Variants in METAP1D observed in about 807,000 individuals in gnomAD.
METAP1D encodes the protein methionyl aminopeptidase type 1D, mitochondrial.
METAP1D carries 31 observed loss-of-function variants against 40.5 expected under a neutral mutation model. That is an observed-to-expected ratio of 0.77 (90% CI 0.58 to 1.03). The LOEUF (loss-of-function observed/expected upper bound fraction) is 1.03. METAP1D is among the 50% of genes least tolerant of loss of function. The pLI, the probability that METAP1D is intolerant of heterozygous loss-of-function variation, is 0.00. For synonymous variants in METAP1D, 151 were observed against 146.4 expected (o/e 1.03, Z -0.22); for missense variants, 411 against 420.7 (o/e 0.98, Z 0.20).
intron 1 of METAP1D, among the ~76,000 whole-genome samples, chr2:172,006,828 GT>G (rs1395440370): frequency 3.3e-5 from 5 of 152,106 alleles, no homozygotes; most frequent in Non-Finnish European, 5.9e-5. Flanking sequence ...CTCCCCACAG[GT>G]GGATTATTTT....
chr2:172,038,461 G>A (rs979046482), intron 1 of METAP1D, among the ~76,000 whole-genome samples: 1 of 151,870 alleles, frequency 6.6e-6, no homozygotes, highest in Non-Finnish European at 1.5e-5. Context: ...ATTTTTTGAC[G>A]GTAAAGAGAA....
intron 5 of METAP1D, among the ~76,000 whole-genome samples, chr2:172,069,610 T>C (rs1479197443): frequency 6.6e-6 from 1 of 152,180 alleles, no homozygotes; most frequent in Non-Finnish European, 1.5e-5. Flanking sequence ...TACTGCCAAG[T>C]GTATAAAATA....
rs1689626361 is a variant in METAP1D, at chr2:172,042,850, T to TGTATGTACAC, written c.41-18648_41-18647insGTATGTACAC. 8.4e-4 allele frequency among the ~76,000 whole-genome samples: 16 copies of TGTATGTACAC among 19,138 alleles called. 8 individuals carry two copies. Among genetic ancestry groups the TGTATGTACAC allele is most frequent in the African/African-American group, 4.7e-3 (16 of 3,432 alleles). The allele number at this position is 19,138 out of a possible 152,430, so 12.6% of individuals were successfully genotyped here. A position where few individuals can be genotyped will look rare whatever the true frequency, so the allele number is the denominator to read the frequency against. On this transcript the variant is annotated intron_variant, in intron 1 of 9. Coordinates refer to ENST00000315796, the MANE Select transcript of METAP1D (RefSeq NM_199227.3). ...ATATGTACACATATACGTGTGTGTG[T>TGTATGTACAC]ATATATGTACATATATGTGTATGTG...
chr2:172,012,588 G>A (rs948668014), intron 1 of METAP1D, among the ~76,000 whole-genome samples: 2 of 152,172 alleles, frequency 1.3e-5, no homozygotes, highest in Non-Finnish European at 2.9e-5. Context: ...TCACAGCTGC[G>A]GAAGACAGTC....
At chr2:172,020,077 C>T (rs549798665) in intron 1 of METAP1D, among the ~76,000 whole-genome samples, 4 of 152,298 alleles carry the variant, frequency 2.6e-5, no homozygotes, top group African/African-American at 9.6e-5. Context: ...GTCGCAACCT[C>T]CCGGGTTCAA....
chr2:172,043,444 C>T lies in METAP1D; in HGVS notation c.41-18054C>T, dbSNP rs1258002598. Among the ~76,000 whole-genome samples the T allele has an allele frequency of 2.3e-5, 3 of 132,900 alleles. 1 individual carries two copies. The highest frequency in any genetic ancestry group is 7.6e-5 in the African/African-American group (3 of 39,314). The allele number at this position is 132,900 out of a possible 152,430, so 87.2% of individuals were successfully genotyped here. On this transcript the variant is annotated intron_variant, in intron 1 of 9. Coordinates refer to ENST00000315796, the MANE Select transcript of METAP1D (RefSeq NM_199227.3). Reference sequence around the variant, plus strand: ...GTCAACCCCACTTGGTCACGACTCACTAACCTCCAATGGAGAAAGTGTGTG... The same window carrying T: ...GTCAACCCCACTTGGTCACGACTCATTAACCTCCAATGGAGAAAGTGTGTG...
At chr2:172,010,936 A>G (rs529625791) in intron 1 of METAP1D, among the ~76,000 whole-genome samples, 1 of 151,810 alleles carries the variant, frequency 6.6e-6, no homozygotes, top group African/African-American at 2.4e-5. Context: ...TATTTTTAGT[A>G]GAGGTGGGGT....
intron 1 of METAP1D, among the ~76,000 whole-genome samples, chr2:172,034,260 G>C (rs1175749683): frequency 6.6e-6 from 1 of 152,072 alleles, no homozygotes; most frequent in African/African-American, 2.4e-5. Flanking sequence ...GATACATGGG[G>C]ATTTGTTACA....
At chr2:172,060,568 G>A (rs1690117853) in intron 1 of METAP1D, among the ~76,000 whole-genome samples, 1 of 152,086 alleles carries the variant, frequency 6.6e-6, no homozygotes, top group Non-Finnish European at 1.5e-5. Flanking sequence ...ACATTAATGG[G>A]CTTTTTATAT....
At chr2:172,080,060 A>T in intron 8 of METAP1D, 68 bp from the exon 9 acceptor site, 1 of 1,406,256 alleles carries the variant, frequency 7.1e-7, no homozygotes, top group Non-Finnish European at 9.9e-7. Flanking sequence ...TTTTTTAATA[A>T]TCAGCCGGAA....
At position 172,042,845 on chromosome 2, in the gene METAP1D, G is replaced by A. The variant is rs1488941349; in HGVS notation, c.41-18653G>A. On this transcript the variant is annotated intron_variant, in intron 1 of 9. Transcript: ENST00000315796. The stretch of plus-strand genomic sequence containing the variant: ...TGTGTATATGTACACATATACGTGT[G>A]TGTGTATATATGTACATATATGTGT... Among the ~76,000 whole-genome samples, 2 of 46,986 alleles carry A rather than the reference G, an allele frequency of 4.3e-5. 1 individual carries two copies. Among genetic ancestry groups the A allele is most frequent in the Non-Finnish European group, 9.0e-5 (2 of 22,158 alleles). 30.8% of individuals were successfully genotyped at this position (46,986 alleles called of 152,430 possible).
intron 1 of METAP1D, among the ~76,000 whole-genome samples, chr2:172,014,376 T>C (rs1688802529): frequency 6.6e-6 from 1 of 152,122 alleles, no homozygotes; most frequent in Admixed American, 6.5e-5. Flanking sequence ...CCTCCCAAAG[T>C]GCTGGGATTA....
intron 1 of METAP1D, among the ~76,000 whole-genome samples, chr2:172,036,083 C>CG (rs1689369587): frequency 6.6e-6 from 1 of 151,876 alleles, no homozygotes. Context: ...TTTGGGAGGC[C>CG]AAGGTGGGCG....
chr2:172,023,025 A>G (rs915608196), intron 1 of METAP1D, among the ~76,000 whole-genome samples: 1 of 152,150 alleles, frequency 6.6e-6, no homozygotes, highest in Non-Finnish European at 1.5e-5. Context: ...CGTCTCTACT[A>G]AAAATACAAA....
intron 5 of METAP1D, 61 bp from the exon 6 acceptor site, chr2:172,070,846 A>G: frequency 1.4e-6 from 2 of 1,382,846 alleles, no homozygotes; most frequent in Admixed American, 4.2e-5. Flanking sequence ...AATACAATGT[A>G]TACTTTAGGA....
chr2:172,031,243 G>C (rs1325642363), intron 1 of METAP1D, among the ~76,000 whole-genome samples: 2 of 152,170 alleles, frequency 1.3e-5, no homozygotes, highest in Non-Finnish European at 2.9e-5. Context: ...TTTAATAGGA[G>C]TTATCACTCT....
At chr2:172,027,848 G>C (rs1310827460) in intron 1 of METAP1D, among the ~76,000 whole-genome samples, 2 of 152,182 alleles carry the variant, frequency 1.3e-5, no homozygotes, top group African/African-American at 4.8e-5. Flanking sequence ...TGGTAAGAAA[G>C]TAAAGTCTAA....
intron 1 of METAP1D, among the ~76,000 whole-genome samples, chr2:172,012,549 G>A (rs763577784): frequency 1.3e-5 from 2 of 152,162 alleles, no homozygotes; most frequent in Admixed American, 6.5e-5. Context: ...CTAACTTAAC[G>A]GAAGGAGATG....
At position 172,041,726 on chromosome 2, in the gene METAP1D, T is replaced by TTTTATATATATATA. The variant is rs1273069042; in HGVS notation, c.41-19771_41-19770insTTATATATATATAT. ...TTTTAATTTCCTTACTCTAATTATT[T>TTTTATATATATATA]TATATATATATATATATATATATAT... is the stretch of plus-strand genomic sequence containing the variant. On this transcript the variant is annotated intron_variant, in intron 1 of 9. Coordinates refer to ENST00000315796, the MANE Select transcript of METAP1D (RefSeq NM_199227.3). Among the ~76,000 whole-genome samples the TTTTATATATATATA allele has an allele frequency of 1.6e-4, 6 of 37,560 alleles. 1 individual carries two copies. The highest frequency in any genetic ancestry group is 3.2e-4 in the Non-Finnish European group (5 of 15,594). 24.6% of individuals were successfully genotyped at this position (37,560 alleles called of 152,430 possible). A position where few individuals can be genotyped will look rare whatever the true frequency, so the allele number is the denominator to read the frequency against.
Sources: allele counts gnomAD v4.1 joint callset (sites outside exome capture counted in the v4.1 genomes callset), GRCh38; gene constraint gnomAD v4.1.1; transcripts MANE v1.5; gene names NCBI Gene and HGNC (gene_info 2026-07-23, HGNC 2026-07-21).